The following NRCAM variants were observed in gnomAD, a reference collection of about 807,000 sequenced individuals.
NRCAM encodes the protein NgCAM-related cell adhesion molecule.
A neutral mutation model predicts 156.5 loss-of-function variants in NRCAM; 83 were observed. The ratio of observed to expected loss-of-function variants is 0.53; its 90% confidence interval spans 0.44 to 0.64. The LOEUF is 0.64. Among genes scored for constraint, NRCAM ranks in the 30% least tolerant of loss-of-function variants. NRCAM has a pLI of 0.00. For missense variants in NRCAM, 1,417 were observed against 1,597.3 expected (o/e 0.89, Z 1.92); for synonymous variants, 538 against 563.9 (o/e 0.95, Z 0.65).
intron 1 of NRCAM, among the ~76,000 whole-genome samples, chr7:108,428,188 A>G (rs914870254): frequency 2.0e-5 from 3 of 152,238 alleles, no homozygotes; most frequent in African/African-American, 7.2e-5. Context: ...GCTATTTATT[A>G]TATTATACAT....
chr7:108,250,917 A>T (rs1293410292), intron 3 of NRCAM, among the ~76,000 whole-genome samples: 1 of 152,174 alleles, frequency 6.6e-6, no homozygotes, highest in Non-Finnish European at 1.5e-5. Context: ...AATTAAAAAA[A>T]TTTTTAAAGT....
At chr7:108,398,111 C>T (rs1359891791) in intron 2 of NRCAM, among the ~76,000 whole-genome samples, 1 of 152,138 alleles carries the variant, frequency 6.6e-6, no homozygotes, top group Non-Finnish European at 1.5e-5. Flanking sequence ...TTCCCCTTAC[C>T]TCCACACTTA....
intron 2 of NRCAM, among the ~76,000 whole-genome samples, chr7:108,362,241 G>C (rs187142730): frequency 6.6e-6 from 1 of 152,212 alleles, no homozygotes; most frequent in African/African-American, 2.4e-5. Flanking sequence ...AGTGGAGAAA[G>C]GAGTGAGGGA....
intron 11 of NRCAM, among the ~76,000 whole-genome samples, chr7:108,214,276 T>G (rs898603448): frequency 1.3e-5 from 2 of 152,176 alleles, no homozygotes; most frequent in Non-Finnish European, 2.9e-5. Context: ...ATTTCAGAAC[T>G]TCTTATTGGT....
chr7:108,362,342 A>G (rs1422580654), intron 2 of NRCAM, among the ~76,000 whole-genome samples: 2 of 152,160 alleles, frequency 1.3e-5, no homozygotes, highest in Non-Finnish European at 2.9e-5. Flanking sequence ...CCACTTCCTA[A>G]TATCATCACC....
At chr7:108,253,204 G>A (rs2096459473) in intron 3 of NRCAM, among the ~76,000 whole-genome samples, 2 of 152,180 alleles carry the variant, frequency 1.3e-5, no homozygotes, top group South Asian at 2.1e-4. Context: ...CATAATTCAC[G>A]CCCTTGAAGT....
intron 3 of NRCAM, among the ~76,000 whole-genome samples, chr7:108,292,449 G>A (rs2098330072): frequency 6.6e-6 from 1 of 152,220 alleles, no homozygotes; most frequent in Admixed American, 6.5e-5. Flanking sequence ...TGCAATTGAA[G>A]TTTTAGAGAC....
chr7:108,250,443 A>G (rs996379301), intron 3 of NRCAM, among the ~76,000 whole-genome samples: 47 of 151,182 alleles, frequency 3.1e-4, no homozygotes, highest in African/African-American at 8.0e-4. Context: ...AAAAAAAAAA[A>G]AAAAAAAGAA....
chr7:108,393,013 A>G (rs2099765707), intron 2 of NRCAM, among the ~76,000 whole-genome samples: 1 of 152,198 alleles, frequency 6.6e-6, no homozygotes, highest in African/African-American at 2.4e-5. Context: ...CTCGGAGGTC[A>G]GGGACCCACT....
chr7:108,320,273 G>GAGACC (rs2098984918), intron 2 of NRCAM, among the ~76,000 whole-genome samples: 1 of 151,950 alleles, frequency 6.6e-6, no homozygotes, highest in Non-Finnish European at 1.5e-5. Context: ...GCAACACAGG[G>GAGACC]AGACCCTGTC....
chr7:108,292,444 T>C lies in NRCAM; in HGVS notation c.-107+20221A>G, dbSNP rs777455784. ...GGATAACCTGAAAACATGGATGCAA[T>C]TGAAGTTTTAGAGACTTGCTTACTA... On this transcript the variant is annotated intron_variant, in intron 3 of 32. Transcript: ENST00000379028. Among the ~76,000 whole-genome samples the C allele has an allele frequency of 4.6e-5, 7 of 152,332 alleles. No individual in the cohort carries two copies. In the East Asian group the frequency reaches 7.7e-4, roughly 17 times the overall value.
chr7:108,453,857 C>A (rs948355838), intron 1 of NRCAM, among the ~76,000 whole-genome samples: 35 of 152,142 alleles, frequency 2.3e-4, no homozygotes, highest in Non-Finnish European at 4.7e-4. Flanking sequence ...AATGCCCCCA[C>A]ATGTTTCTAT....
intron 2 of NRCAM, among the ~76,000 whole-genome samples, chr7:108,356,928 A>C (rs1052876379): frequency 2.0e-5 from 3 of 152,222 alleles, no homozygotes; most frequent in Non-Finnish European, 2.9e-5. Flanking sequence ...TGGAGCCTTC[A>C]TGATGGAATT....
chr7:108,389,811 AG>A (rs1225760062), intron 2 of NRCAM, among the ~76,000 whole-genome samples: 1 of 152,198 alleles, frequency 6.6e-6, no homozygotes, highest in African/African-American at 2.4e-5. Flanking sequence ...CTATTGAGAT[AG>A]TCATGTGGTT....
At chr7:108,214,325 G>A (rs1024859772) in intron 11 of NRCAM, among the ~76,000 whole-genome samples, 2 of 152,146 alleles carry the variant, frequency 1.3e-5, no homozygotes, top group Admixed American at 1.3e-4. Context: ...TTAGTCTTGG[G>A]AGGGTGAATG....
chr7:108,159,656 G>A (rs889822101), intron 31 of NRCAM, 115 bp from the exon 32 acceptor site: 2 of 749,016 alleles, frequency 2.7e-6, no homozygotes, highest in African/African-American at 1.7e-5. Context: ...TACACAAGTA[G>A]ATGTTGTATA....
At chr7:108,250,425 C>CAA (rs34274206) in intron 3 of NRCAM, among the ~76,000 whole-genome samples, 2,593 of 67,134 alleles carry the variant, frequency 0.039, 139 homozygotes, top group East Asian at 0.11. Context: ...CATCTTACCT[C>CAA]AAAAAAAAAA....
chr7:108,433,307 CCT>C, intron 1 of NRCAM, among the ~76,000 whole-genome samples: 1 of 152,234 alleles, frequency 6.6e-6, no homozygotes, highest in East Asian at 1.9e-4. Flanking sequence ...AGCAGTCAGT[CCT>C]CTGAGACCCA....
chr7:108,356,820 A>AC (rs962974355), intron 2 of NRCAM, among the ~76,000 whole-genome samples: 6 of 152,130 alleles, frequency 3.9e-5, no homozygotes, highest in African/African-American at 1.4e-4. Context: ...ATTTTGTGTT[A>AC]CCCCCAAAAT....
Sources: gnomAD v4.1 joint callset for allele counts (sites outside exome capture counted in the v4.1 genomes callset) on GRCh38, gnomAD v4.1.1 for gene constraint, MANE v1.5 for transcripts, NCBI Gene and HGNC (gene_info 2026-07-23, HGNC 2026-07-21) for gene names.